The following SHPRH variants were observed in gnomAD, a reference collection of about 807,000 sequenced individuals.
SHPRH encodes the protein E3 ubiquitin-protein ligase SHPRH.
A neutral mutation model predicts 202.5 loss-of-function variants in SHPRH; 106 were observed. That is an observed-to-expected ratio of 0.52 (90% confidence interval 0.45 to 0.62). The LOEUF is 0.62. Among genes scored for constraint, SHPRH ranks in the 20% least tolerant of loss-of-function variants. The probability of loss-of-function intolerance (pLI) is 0.00; values close to 1 mark genes in which losing one functional copy is unlikely to be tolerated. For synonymous variants in SHPRH, 729 were observed against 686.0 expected, an observed-to-expected ratio of 1.06 and a Z score of -0.98; for missense variants, 1,710 against 2,020.0, an observed-to-expected ratio of 0.85 and a Z score of 2.94.
Position 145,956,140 on chromosome 6 carries a change from G to GA in SHPRH, c.-32-787dup, listed in dbSNP as rs549982505. ...AATGAAGTAGAGATAAACAAAGACTGAAAAAACAATAAATAGAACATCAGA... is the reference window on the plus strand; with the variant it reads ...AATGAAGTAGAGATAAACAAAGACTGAAAAAAACAATAAATAGAACATCAGA... On this transcript the variant is annotated intron_variant, in intron 1 of 29. Coordinates refer to ENST00000275233, the MANE Select transcript of SHPRH (RefSeq NM_001042683.3). Among the ~76,000 whole-genome samples, 60 of 152,034 alleles carry GA rather than the reference G, an allele frequency of 3.9e-4. No homozygotes were observed. In the South Asian group the frequency reaches 0.012, roughly 30 times the overall value.
At chr6:145,928,064 G>A (rs990874229) in intron 14 of SHPRH, among the ~76,000 whole-genome samples, 9 of 151,744 alleles carry the variant, frequency 5.9e-5, no homozygotes, top group Admixed American at 3.3e-4. Context: ...AAAATATTTC[G>A]TGACATGTGA....
At chr6:145,868,316 C>T (rs779037484) in intron 2 of SHPRH, among the ~76,000 whole-genome samples, 2 of 152,244 alleles carry the variant, frequency 1.3e-5, no homozygotes, top group African/African-American at 4.8e-5. Flanking sequence ...CCTCAACGTA[C>T]AACTTTTTTG....
intron 21 of SHPRH, 64 bp downstream of exon 21, chr6:145,921,103 C>A: frequency 1.5e-6 from 2 of 1,355,192 alleles, no homozygotes; most frequent in Non-Finnish European, 1.0e-6. Context: ...AAAAAAGTAG[C>A]AGTTAAAATT....
At chr6:145,910,681 T>C in intron 24 of SHPRH, 45 bp from the exon 25 acceptor site, 1 of 1,464,324 alleles carries the variant, frequency 6.8e-7, no homozygotes, top group Non-Finnish European at 9.1e-7. Flanking sequence ...AAAGATGCCT[T>C]ACAATTTATA....
chr6:145,922,843 C>G lies in SHPRH; in HGVS notation c.3546-7G>C, dbSNP rs200336760. 6.5e-4 allele frequency: 1,045 copies of G among 1,605,064 alleles called. 11 individuals carry two copies. The highest frequency in any genetic ancestry group is 1.7e-4 in the Middle Eastern group (1 of 6,034). On this transcript the variant is annotated splice_region_variant and splice_polypyrimidine_tract_variant and intron_variant, in intron 18 of 29. Transcript: ENST00000275233. ...ACCTCTGCAATCACGGAACCTGATT[C>G]CCACACCAGCACCACACACAATACA...
In SHPRH at chr6:145,943,697, GATCATC is replaced by G. The variant is rs772702479; in HGVS notation, c.1678_1683del (p.Asp560_Asp561del). 1.5e-5 allele frequency: 25 copies of G among 1,613,572 alleles called. No individual in the cohort carries two copies. The highest frequency in any genetic ancestry group is 1.9e-5 in the Non-Finnish European group (22 of 1,179,784). On this transcript the variant is annotated inframe_deletion, in exon 9 of 30. Transcript: ENST00000275233. ...CTGGACTTATAATAATAATAGTAAG[GATCATC>G]ATCATCATCAGAGGTGTCTGATGGC...
At chr6:145,952,590 G>T in intron 2 of SHPRH, 112 bp from the exon 3 acceptor site, 2 of 951,642 alleles carry the variant, frequency 2.1e-6, no homozygotes, top group Non-Finnish European at 2.9e-6. Context: ...TTCATAGCAT[G>T]TGTGACACAA....
chr6:145,862,852 C>G (rs1583241110), downstream of SHPRH: 1 of 151,922 alleles, frequency 6.6e-6, no homozygotes. Context: ...CTTAGAAAAC[C>G]CTCTCACATG....
At chr6:145,875,929 C>T (rs1054864667) in intron 2 of SHPRH, among the ~76,000 whole-genome samples, 1 of 152,092 alleles carries the variant, frequency 6.6e-6, no homozygotes, top group African/African-American at 2.4e-5. Flanking sequence ...TTGGCTCTGC[C>T]GAAGTTTTGC....
chr6:145,916,469 C>T (rs1391728141), intron 23 of SHPRH, among the ~76,000 whole-genome samples: 5 of 152,006 alleles, frequency 3.3e-5, no homozygotes, highest in Admixed American at 3.3e-4. Context: ...TAAAATGTAT[C>T]CATTCCCTGT....
chr6:145,945,358 G>C, intron 8 of SHPRH, 23 bp downstream of exon 8: 1 of 1,595,244 alleles, frequency 6.3e-7, no homozygotes, highest in African/African-American at 1.4e-5. Context: ...ACTTAATATA[G>C]AGCTGAACTT....
intron 14 of SHPRH, among the ~76,000 whole-genome samples, chr6:145,932,259 T>G (rs1244129357): frequency 6.6e-6 from 1 of 152,094 alleles, no homozygotes; most frequent in East Asian, 1.9e-4. Flanking sequence ...AAAGTGCCAG[T>G]TATATAACTT....
chr6:145,943,870 A>G (rs1787074243), intron 8 of SHPRH, 68 bp from the exon 9 acceptor site: 3 of 1,355,456 alleles, frequency 2.2e-6, no homozygotes, highest in Non-Finnish European at 3.0e-6. Flanking sequence ...TCCTGACTTT[A>G]TGTAAGTACT....
chr6:145,882,327 G>A (rs1354284321), downstream of SHPRH, among the ~76,000 whole-genome samples: 3 of 152,132 alleles, frequency 2.0e-5, no homozygotes, highest in Non-Finnish European at 2.9e-5. Flanking sequence ...TATCATGCTG[G>A]CAGAAAATCT....
intron 2 of SHPRH, among the ~76,000 whole-genome samples, chr6:145,868,650 T>C (rs191394860): frequency 6.6e-6 from 1 of 152,196 alleles, no homozygotes; most frequent in Non-Finnish European, 1.5e-5. Flanking sequence ...CTAGCTTTCT[T>C]AGAAGAGTAC....
rs777143290 is a variant in SHPRH at position 145,952,494 on chromosome 6, C to T, written c.634-16G>A. 2.5e-6 allele frequency: 4 copies of T among 1,592,320 alleles called. No individual in the cohort carries two copies. The highest frequency in any genetic ancestry group is 3.4e-6 in the Non-Finnish European group (4 of 1,170,406). Reference sequence around the variant, plus strand: ...AAATTCCAACCTAAAAACAATTAATCAAAATAAAAGTAGTTTCATTTGAAA... The same window carrying T: ...AAATTCCAACCTAAAAACAATTAATTAAAATAAAAGTAGTTTCATTTGAAA... On this transcript the variant is annotated splice_polypyrimidine_tract_variant and intron_variant, in intron 2 of 29. Coordinates refer to ENST00000275233, the MANE Select transcript of SHPRH (RefSeq NM_001042683.3).
At chr6:145,944,162 C>G (rs1038839736) in intron 8 of SHPRH, among the ~76,000 whole-genome samples, 2 of 152,222 alleles carry the variant, frequency 1.3e-5, no homozygotes, top group South Asian at 4.1e-4. Context: ...TACAAAAACA[C>G]CAAGTACTAA....
Position 145,918,221 on chromosome 6 carries a change from G to A in SHPRH, c.4164C>T (p.Asn1388=). Residue 1388 remains asparagine (N), a synonymous_variant, in exon 23 of 30, where the codon AAC becomes AAT. Coordinates refer to ENST00000275233, the MANE Select transcript of SHPRH (RefSeq NM_001042683.3). Reference sequence around the variant, plus strand: ...CTTTATCATTTAGTAGTTTTATTCGGTTTTGTTCTACCTAAAGAAAATAAA... The same window carrying A: ...CTTTATCATTTAGTAGTTTTATTCGATTTTGTTCTACCTAAAGAAAATAAA... The part of the protein sequence containing the change: ...HIIEPHEVEQ[N]RIKLLNDKAV... 1 of 1,571,654 alleles carries A rather than the reference G, an allele frequency of 6.4e-7. No individual in the cohort carries two copies. The highest frequency in any genetic ancestry group is 1.4e-5 in the African/African-American group (1 of 72,544).
Position 145,947,636 on chromosome 6 carries a change from G to A in SHPRH, c.1069C>T (p.Arg357Cys), listed in dbSNP as rs776012326. 11 of 1,611,866 alleles carry A rather than the reference G, an allele frequency of 6.8e-6. No individual in the cohort carries two copies. Among genetic ancestry groups the A allele is most frequent in the African/African-American group, 2.7e-5 (2 of 74,714 alleles). Residue 357 changes from arginine to cysteine, a missense_variant, in exon 6 of 30, where the codon CGT becomes TGT. Arg to Cys is a radical substitution (Grantham distance 180). Coordinates refer to ENST00000275233, the MANE Select transcript of SHPRH (RefSeq NM_001042683.3). The stretch of plus-strand genomic sequence containing the variant: ...TGCGGCCCAGAATTTGGGTACTCAC[G>A]AATGATGCTGAGGAAAAAAACAAGA... ...YYNPYTGCIIREYPNSGPQLL... is the reference protein window; with the variant it reads ...YYNPYTGCIICEYPNSGPQLL...
Sources: allele counts gnomAD v4.1 joint callset (sites outside exome capture counted in the v4.1 genomes callset), GRCh38; gene constraint gnomAD v4.1.1; transcripts MANE v1.5; gene names NCBI Gene and HGNC (gene_info 2026-07-23, HGNC 2026-07-21).